Variants in RYR2 observed in about 807,000 individuals in gnomAD.
RYR2 encodes cardiac muscle ryanodine receptor-calcium release channel.
A neutral mutation model predicts 601.1 loss-of-function variants in RYR2; 227 were observed. The ratio of observed to expected loss-of-function variants is 0.38; its 90% CI spans 0.34 to 0.42. The LOEUF is 0.42. Among genes scored for constraint, RYR2 ranks in the 10% least tolerant of loss-of-function variants. The pLI is 1.00. For synonymous variants in RYR2, 2,223 were observed against 2,175.1 expected (o/e 1.02, Z -0.61); for missense variants, 4,646 against 6,156.5 (o/e 0.75, Z 8.21).
intron 67 of RYR2, among the ~76,000 whole-genome samples, chr1:237,705,919 G>T (rs1688333418): frequency 6.6e-6 from 1 of 152,140 alleles, no homozygotes. Context: ...AAAGAGAAGA[G>T]AATCAAAGAT....
chr1:237,620,671 C>T (rs1270956977), intron 38 of RYR2, among the ~76,000 whole-genome samples: 3 of 151,786 alleles, frequency 2.0e-5, no homozygotes, highest in Admixed American at 2.0e-4. Context: ...ATAAAGTTGA[C>T]TTCAGAGCAC....
intron 1 of RYR2, among the ~76,000 whole-genome samples, chr1:237,231,079 G>A (rs899795923): frequency 6.6e-6 from 1 of 152,038 alleles, no homozygotes; most frequent in Non-Finnish European, 1.5e-5. Flanking sequence ...TTCTGTAGCC[G>A]ATTGAATTGT....
chr1:237,773,081 G>A (rs1031681016), intron 86 of RYR2, among the ~76,000 whole-genome samples: 14 of 152,136 alleles, frequency 9.2e-5, no homozygotes, highest in African/African-American at 3.1e-4. Flanking sequence ...GGATATCAGC[G>A]AGTTCTCACT....
At chr1:237,289,973 T>A (rs889169182) in intron 2 of RYR2, among the ~76,000 whole-genome samples, 5 of 152,178 alleles carry the variant, frequency 3.3e-5, no homozygotes, top group African/African-American at 9.7e-5. Flanking sequence ...TGGAAAACAG[T>A]TTGTCAGTTC....
chr1:237,693,410 C>T (rs1404758830), intron 63 of RYR2, among the ~76,000 whole-genome samples: 1 of 152,082 alleles, frequency 6.6e-6, no homozygotes, highest in Admixed American at 6.6e-5. Flanking sequence ...TTCTACTTTC[C>T]AGTTTTCTGG....
At chr1:237,189,556 A>G (rs974314582) in intron 1 of RYR2, among the ~76,000 whole-genome samples, 3 of 152,206 alleles carry the variant, frequency 2.0e-5, no homozygotes, top group Non-Finnish European at 2.9e-5. Flanking sequence ...TGAATGGGAT[A>G]TAGTGTTCTT....
chr1:237,534,836 T>C (rs1668441888), intron 25 of RYR2, among the ~76,000 whole-genome samples: 1 of 152,064 alleles, frequency 6.6e-6, no homozygotes. Flanking sequence ...TCATTTATTT[T>C]ATTTTTTAGG....
chr1:237,601,806 A>G (rs1283373111), intron 34 of RYR2, among the ~76,000 whole-genome samples: 6 of 152,200 alleles, frequency 3.9e-5, no homozygotes, highest in African/African-American at 7.2e-5. Context: ...AATAATGACA[A>G]TGCCTTAAGC....
intron 24 of RYR2, among the ~76,000 whole-genome samples, chr1:237,516,173 C>A (rs959214312): frequency 6.6e-6 from 1 of 152,074 alleles, no homozygotes; most frequent in Admixed American, 6.5e-5. Flanking sequence ...TGCAGTTACG[C>A]GATCTCAGCT....
intron 79 of RYR2, among the ~76,000 whole-genome samples, chr1:237,739,006 T>A (rs1278987614): frequency 6.6e-6 from 1 of 152,214 alleles, no homozygotes; most frequent in Non-Finnish European, 1.5e-5. Context: ...GTCAACCAAA[T>A]GGGTATGAAA....
chr1:237,329,653 A>T (rs1316917711), intron 2 of RYR2, among the ~76,000 whole-genome samples: 2 of 151,984 alleles, frequency 1.3e-5, no homozygotes, highest in Non-Finnish European at 2.9e-5. Context: ...AAAAAAAAAA[A>T]AGAAATTAAA....
intron 83 of RYR2, among the ~76,000 whole-genome samples, chr1:237,760,697 A>C (rs988808337): frequency 6.6e-6 from 1 of 152,200 alleles, no homozygotes; most frequent in Non-Finnish European, 1.5e-5. Context: ...CTGGCTTTGT[A>C]ATGTACTCCC....
At chr1:237,612,159 C>A (rs903291786) in intron 36 of RYR2, among the ~76,000 whole-genome samples, 1 of 152,006 alleles carries the variant, frequency 6.6e-6, no homozygotes, top group Admixed American at 6.6e-5. Flanking sequence ...TGAAAGAAAC[C>A]AGTCACGGAA....
At chr1:237,077,822 C>T (rs1665176644) in intron 1 of RYR2, among the ~76,000 whole-genome samples, 1 of 152,114 alleles carries the variant, frequency 6.6e-6, no homozygotes, top group African/African-American at 2.4e-5. Flanking sequence ...ACAGAATATA[C>T]ATTTTTTTCA....
chr1:237,622,027 C>T (rs115661001), intron 38 of RYR2, among the ~76,000 whole-genome samples: 3,163 of 152,114 alleles, frequency 0.021, 108 homozygotes, highest in African/African-American at 0.072. Context: ...TGTTACCAAT[C>T]GGGAAACTGC....
chr1:237,795,790 G>A (rs995123701), intron 96 of RYR2, among the ~76,000 whole-genome samples: 6 of 149,154 alleles, frequency 4.0e-5, no homozygotes, highest in Admixed American at 6.7e-5. Context: ...GGCCGGGCGC[G>A]GTGGCTCACG....
intron 12 of RYR2, among the ~76,000 whole-genome samples, chr1:237,433,113 A>G (rs1293297301): frequency 6.6e-6 from 1 of 152,042 alleles, no homozygotes; most frequent in Non-Finnish European, 1.5e-5. Flanking sequence ...GATTGGTAGA[A>G]AATTGGTTTT....
chr1:237,234,024 T>A lies in RYR2; in HGVS notation c.49-36473T>A, dbSNP rs13374673. Among the ~76,000 whole-genome samples the A allele has an allele frequency of 4.2e-3, 636 of 152,166 alleles. 6 individuals are homozygous for A. The highest frequency in any genetic ancestry group is 0.014 in the African/African-American group (600 of 41,506). ...TCTTGAAATTAGTCAAGGGTCAAAT[T>A]TTTGAGGACCTTTAAGATATTGGGT... On this transcript the variant is annotated intron_variant, in intron 1 of 104. Coordinates refer to ENST00000366574, the MANE Select transcript of RYR2 (RefSeq NM_001035.3).
At position 237,550,570 on chromosome 1, in the gene RYR2, C is replaced by A; in HGVS notation, c.3093C>A (p.Arg1031=). ...QQDVKNRRNP[R]LVPYTLLDDR... ...ACGTAAAGAACAGAAGAAATCCTCG[C>A]CTTGTTCCCTACACTCTTCTGGATG... Residue 1031 remains arginine (R), a synonymous_variant, in exon 27 of 105, where the codon CGC becomes CGA. Coordinates refer to ENST00000366574, the MANE Select transcript of RYR2 (RefSeq NM_001035.3). 1 of 1,609,130 alleles carries A rather than the reference C, an allele frequency of 6.2e-7. No individual in the cohort carries two copies. Among genetic ancestry groups the A allele is most frequent in the South Asian group, 1.1e-5 (1 of 89,672 alleles).
Sources: allele counts gnomAD v4.1 joint callset (sites outside exome capture counted in the v4.1 genomes callset), GRCh38; gene constraint gnomAD v4.1.1; transcripts MANE v1.5; gene names NCBI Gene and HGNC (gene_info 2026-07-23, HGNC 2026-07-21).